Variants in STT3B observed in about 807,000 individuals in gnomAD.
The protein encoded by STT3B is STT3 oligosaccharyltransferase complex catalytic subunit B.
Under a neutral mutation model 96.8 loss-of-function variants are expected in STT3B, and 29 were observed. The observed-to-expected ratio is 0.30, with a 90% CI of 0.22 to 0.41. The LOEUF (loss-of-function observed/expected upper bound fraction) is 0.41. Among genes scored for constraint, STT3B ranks in the 10% least tolerant of loss-of-function variants. The pLI, the probability that STT3B is intolerant of heterozygous loss-of-function variation, is 1.00. For missense variants in STT3B, 640 were observed against 1,022.3 expected, an observed-to-expected ratio of 0.63 and a Z score of 5.10; for synonymous variants, 367 against 360.0, an observed-to-expected ratio of 1.02 and a Z score of -0.22.
intron 13 of STT3B, among the ~76,000 whole-genome samples, chr3:31,627,292 A>G (rs1048783999): frequency 6.6e-6 from 1 of 152,204 alleles, no homozygotes; most frequent in South Asian, 2.1e-4. Context: ...TGAACTGCGC[A>G]TGCAGGGGAT....
chr3:31,580,166 C>T (rs1351871112), intron 3 of STT3B, 70 bp downstream of exon 3: 18 of 1,473,676 alleles, frequency 1.2e-5, no homozygotes, highest in African/African-American at 2.8e-5. Context: ...TTAGGCTGTA[C>T]GCAGATTTGT....
At chr3:31,565,103 C>G (rs1474067173) in intron 1 of STT3B, among the ~76,000 whole-genome samples, 1 of 152,178 alleles carries the variant, frequency 6.6e-6, no homozygotes, top group Non-Finnish European at 1.5e-5. Context: ...GAAATTGGTA[C>G]TTTGCTTTCT....
At chr3:31,579,646 G>A (rs1698340253) in intron 2 of STT3B, among the ~76,000 whole-genome samples, 163 bp from the exon 3 acceptor site, 2 of 151,848 alleles carry the variant, frequency 1.3e-5, no homozygotes, top group African/African-American at 2.4e-5. Flanking sequence ...AACACAAAAA[G>A]GTGTGGGTTT....
At chr3:31,608,377 T>G (rs929898996) in intron 5 of STT3B, among the ~76,000 whole-genome samples, 8 of 152,110 alleles carry the variant, frequency 5.3e-5, no homozygotes, top group Admixed American at 4.6e-4. Context: ...GGATCTTCTT[T>G]GCAGCTTTGC....
At chr3:31,592,731 A>G (rs1168153461) in intron 3 of STT3B, among the ~76,000 whole-genome samples, 2 of 152,160 alleles carry the variant, frequency 1.3e-5, no homozygotes, top group African/African-American at 4.8e-5. Flanking sequence ...GTAAAGGCCT[A>G]CACCTTCTCC....
At chr3:31,596,745 C>A in intron 3 of STT3B, 53 bp from the exon 4 acceptor site, 1 of 1,406,114 alleles carries the variant, frequency 7.1e-7, no homozygotes, top group Non-Finnish European at 1.0e-6. Flanking sequence ...TTTAAAAATT[C>A]CGCAAGAACA....
intron 5 of STT3B, among the ~76,000 whole-genome samples, chr3:31,605,919 T>TA (rs1478108002): frequency 1.3e-5 from 2 of 152,152 alleles, no homozygotes; most frequent in Admixed American, 1.3e-4. Context: ...CTCATAATGA[T>TA]ATGGACAATG....
At chr3:31,539,428 G>C (rs546047232) in intron 1 of STT3B, among the ~76,000 whole-genome samples, 47 of 152,274 alleles carry the variant, frequency 3.1e-4, no homozygotes, top group Admixed American at 1.5e-3. Flanking sequence ...ATAGACAAAA[G>C]ATAATTCAAT....
chr3:31,617,903 A>C, intron 7 of STT3B, 37 bp from the exon 8 acceptor site: 1 of 1,437,876 alleles, frequency 7.0e-7, no homozygotes, highest in Admixed American at 1.7e-5. Flanking sequence ...AAATAATAAA[A>C]AGGCAGATTA....
chr3:31,580,219 GTT>G, intron 3 of STT3B, 123 bp downstream of exon 3: 1 of 882,120 alleles, frequency 1.1e-6, no homozygotes, highest in Non-Finnish European at 1.7e-6. Flanking sequence ...CTGTATTACT[GTT>G]CATAATCAAT....
intron 1 of STT3B, among the ~76,000 whole-genome samples, chr3:31,541,547 C>T (rs1359057583): frequency 7.0e-6 from 1 of 142,504 alleles, no homozygotes; most frequent in Non-Finnish European, 1.5e-5. Context: ...ACAATATGTA[C>T]GTAAGTAATA....
intron 13 of STT3B, among the ~76,000 whole-genome samples, chr3:31,628,338 G>T (rs988486610): frequency 3.9e-5 from 6 of 152,142 alleles, no homozygotes; most frequent in Non-Finnish European, 5.9e-5. Flanking sequence ...ATTTTTCCAT[G>T]TTAGAATATG....
intron 3 of STT3B, among the ~76,000 whole-genome samples, chr3:31,593,958 CTTGT>C (rs1358004725): frequency 1.3e-5 from 2 of 152,090 alleles, no homozygotes; most frequent in African/African-American, 4.8e-5. Context: ...GTCACACTTT[CTTGT>C]TTCTTTGCAT....
At chr3:31,628,011 T>A (rs74280785) in intron 13 of STT3B, among the ~76,000 whole-genome samples, 115 of 147,268 alleles carry the variant, frequency 7.8e-4, no homozygotes, top group Middle Eastern at 7.0e-3. Context: ...CTACCCCCCC[T>A]AAAAAAAAAA....
intron 3 of STT3B, among the ~76,000 whole-genome samples, chr3:31,584,998 A>G (rs1407593335): frequency 6.6e-6 from 1 of 152,158 alleles, no homozygotes; most frequent in African/African-American, 2.4e-5. Flanking sequence ...AGGTGAAAAC[A>G]TTTTTTGTAA....
intron 11 of STT3B, among the ~76,000 whole-genome samples, chr3:31,624,473 T>G (rs1289920023): frequency 3.3e-5 from 5 of 152,240 alleles, no homozygotes; most frequent in African/African-American, 1.2e-4. Context: ...GACCTCACCC[T>G]AATGTTACAG....
chr3:31,546,427 G>C (rs981945493), intron 1 of STT3B, among the ~76,000 whole-genome samples: 4 of 152,284 alleles, frequency 2.6e-5, no homozygotes, highest in South Asian at 2.1e-4. Context: ...CCATGTGACT[G>C]CTTAGTCTGC....
chr3:31,624,795 C>A, intron 11 of STT3B, 119 bp from the exon 12 acceptor site: 1 of 659,634 alleles, frequency 1.5e-6, no homozygotes, highest in Non-Finnish European at 2.4e-6. Context: ...GAGGCTTTTA[C>A]TTAATAACTA....
chr3:31,614,344 C>G (rs569640617), intron 5 of STT3B, among the ~76,000 whole-genome samples: 2 of 151,938 alleles, frequency 1.3e-5, no homozygotes, highest in Non-Finnish European at 2.9e-5. Flanking sequence ...AATACTTTCT[C>G]TCTAATCAAT....
Sources: allele counts gnomAD v4.1 joint callset (sites outside exome capture counted in the v4.1 genomes callset), GRCh38; gene constraint gnomAD v4.1.1; transcripts MANE v1.5; gene names NCBI Gene and HGNC (gene_info 2026-07-23, HGNC 2026-07-21).